The following TTC28 variants were observed in gnomAD, a reference collection of about 807,000 sequenced individuals.
The protein encoded by TTC28 is tetratricopeptide repeat protein 28.
A neutral mutation model predicts 198.0 loss-of-function variants in TTC28; 61 were observed. The observed-to-expected ratio is 0.31, with a 90% confidence interval of 0.25 to 0.38. The LOEUF is 0.38. TTC28 is among the 10% of genes least tolerant of loss of function. The pLI is 1.00. For synonymous variants in TTC28, 1,171 were observed against 1,297.8 expected, an observed-to-expected ratio of 0.90 and a Z score of 2.10; for missense variants, 2,678 against 3,164.0, an observed-to-expected ratio of 0.85 and a Z score of 3.69.
At chr22:28,480,705 A>C (rs1457874581) in intron 2 of TTC28, among the ~76,000 whole-genome samples, 1 of 152,128 alleles carries the variant, frequency 6.6e-6, no homozygotes, top group African/African-American at 2.4e-5. Context: ...TCTTTCTAAG[A>C]CTGTTTCCTA....
In TTC28 at chr22:28,107,201, T is replaced by C; in HGVS notation, c.2644A>G (p.Asn882Asp). The C allele has an allele frequency of 6.4e-7, 1 of 1,551,746 alleles. No individual in the cohort carries two copies. The highest frequency in any genetic ancestry group is 8.7e-7 in the Non-Finnish European group (1 of 1,147,000). Residue 882 changes from asparagine (N) to aspartate (D), a missense_variant, in exon 7 of 23, where the codon AAC (asparagine) becomes GAC (aspartate). This residue lies in a region of TTC28 where 775 missense variants were observed against 845.9 expected (regional missense o/e 0.92). Transcript: ENST00000397906. ...AGGGCTTCGTAGCAATCCCCCAGGT[T>C]GCCATAGGCCCGGCCCCTGTCGAGC... ...SVLDRGRAYG[N>D]LGDCYEALGD...
At chr22:28,546,813 T>C (rs960731893) in intron 2 of TTC28, among the ~76,000 whole-genome samples, 8 of 152,324 alleles carry the variant, frequency 5.3e-5, no homozygotes, top group Middle Eastern at 3.4e-3. Flanking sequence ...AAATTACTTA[T>C]ATAAGAGCAA....
In TTC28 at chr22:28,547,816, TA is replaced by T. The variant is rs200379532; in HGVS notation, c.381+81735del. On this transcript the variant is annotated intron_variant, in intron 2 of 22. Coordinates refer to ENST00000397906, the MANE Select transcript of TTC28 (RefSeq NM_001145418.2). ...CATGTATCATTTAACTCCCCCTAGT[TA>T]AAAAAAAAAAAAGTAAACAATGCAA... Among the ~76,000 whole-genome samples, 417 of 139,412 alleles carry T rather than the reference TA, an allele frequency of 3.0e-3. 2 individuals are homozygous for T. Among genetic ancestry groups the T allele is most frequent in the East Asian group, 0.012 (60 of 4,916 alleles). The allele number at this position is 139,412 out of a possible 152,430, so 91.5% of individuals were successfully genotyped here.
At chr22:28,228,866 C>T (rs1928578219) in intron 5 of TTC28, among the ~76,000 whole-genome samples, 1 of 151,998 alleles carries the variant, frequency 6.6e-6, no homozygotes, top group Non-Finnish European at 1.5e-5. Flanking sequence ...GTTTAAAAAA[C>T]TACACCCCGG....
intron 2 of TTC28, among the ~76,000 whole-genome samples, chr22:28,540,663 T>G (rs1449907818): frequency 6.6e-6 from 1 of 152,192 alleles, no homozygotes; most frequent in Non-Finnish European, 1.5e-5. Context: ...CCAAAACCCA[T>G]ATTTTTCATT....
At chr22:28,415,705 CAGAA>C (rs1194800593) in intron 2 of TTC28, among the ~76,000 whole-genome samples, 1 of 152,152 alleles carries the variant, frequency 6.6e-6, no homozygotes, top group Non-Finnish European at 1.5e-5. Flanking sequence ...AGCAGGAACA[CAGAA>C]AGACCGCCAG....
At chr22:28,141,624 T>C (rs1368693847) in intron 6 of TTC28, among the ~76,000 whole-genome samples, 1 of 152,046 alleles carries the variant, frequency 6.6e-6, no homozygotes, top group Admixed American at 6.6e-5. Flanking sequence ...GGGAAAAGAG[T>C]AGCTGTCTCC....
intron 2 of TTC28, among the ~76,000 whole-genome samples, chr22:28,506,086 C>G (rs905574295): frequency 6.6e-6 from 1 of 152,024 alleles, no homozygotes; most frequent in Non-Finnish European, 1.5e-5. Context: ...CTGGGCGGGA[C>G]CTTCCTGCGG....
chr22:28,491,591 A>G (rs1230323381), intron 2 of TTC28, among the ~76,000 whole-genome samples: 2 of 152,230 alleles, frequency 1.3e-5, no homozygotes, highest in Admixed American at 6.5e-5. Flanking sequence ...AATGGCGATC[A>G]TTAAAAAGTC....
At chr22:28,317,157 A>G (rs1332920692) in intron 2 of TTC28, among the ~76,000 whole-genome samples, 4 of 151,846 alleles carry the variant, frequency 2.6e-5, no homozygotes, top group African/African-American at 9.7e-5. Flanking sequence ...CTGTCTTTCC[A>G]TTTGTTATAA....
intron 2 of TTC28, among the ~76,000 whole-genome samples, chr22:28,475,162 AAAAAAAAAAAG>A: frequency 6.6e-6 from 1 of 150,672 alleles, no homozygotes; most frequent in Non-Finnish European, 1.5e-5. Context: ...AAAAAAAAAA[AAAAAAAAAAAG>A]AAAGAAAAGA....
intron 2 of TTC28, among the ~76,000 whole-genome samples, chr22:28,612,383 T>C (rs2050833762): frequency 6.6e-6 from 1 of 152,212 alleles, no homozygotes; most frequent in Non-Finnish European, 1.5e-5. Context: ...AGTGAGAGAC[T>C]TTAATACCCC....
chr22:28,099,115 A>G, intron 9 of TTC28, 71 bp from the exon 10 acceptor site: 1 of 1,530,790 alleles, frequency 6.5e-7, no homozygotes, highest in Non-Finnish European at 8.8e-7. Context: ...GACTAGAGAC[A>G]ACTTTTGCTC....
At chr22:28,359,086 G>C (rs918391878) in intron 2 of TTC28, among the ~76,000 whole-genome samples, 1 of 152,100 alleles carries the variant, frequency 6.6e-6, no homozygotes, top group Non-Finnish European at 1.5e-5. Flanking sequence ...TCATTAATAA[G>C]AACATTCCAC....
intron 6 of TTC28, among the ~76,000 whole-genome samples, chr22:28,161,901 A>AGTAG (rs1921254137): frequency 8.6e-6 from 1 of 115,690 alleles, no homozygotes; most frequent in Non-Finnish European, 1.8e-5. Flanking sequence ...AAGGGAAGGA[A>AGTAG]GGAGGGAGGG....
chr22:28,168,495 C>A (rs1347373930), intron 5 of TTC28, among the ~76,000 whole-genome samples: 4 of 152,116 alleles, frequency 2.6e-5, no homozygotes, highest in Non-Finnish European at 2.9e-5. Flanking sequence ...TGGAACAGAA[C>A]AGAGCCCTCA....
At chr22:28,271,604 G>A (rs957832664) in intron 5 of TTC28, among the ~76,000 whole-genome samples, 8 of 151,918 alleles carry the variant, frequency 5.3e-5, no homozygotes, top group African/African-American at 1.2e-4. Flanking sequence ...TAAGCCTAAC[G>A]AGATCTGGTG....
chr22:28,488,621 C>T (rs1239104367), intron 2 of TTC28, among the ~76,000 whole-genome samples: 2 of 152,034 alleles, frequency 1.3e-5, no homozygotes, highest in African/African-American at 2.4e-5. Context: ...AAAAATAAGA[C>T]TTTTCCTCTA....
At chr22:28,419,999 T>C (rs1569315275) in intron 2 of TTC28, among the ~76,000 whole-genome samples, 1 of 152,236 alleles carries the variant, frequency 6.6e-6, no homozygotes, top group Non-Finnish European at 1.5e-5. Context: ...AATCTTATCA[T>C]GAAAGGCTGA....
Sources: allele counts gnomAD v4.1 joint callset (sites outside exome capture counted in the v4.1 genomes callset), GRCh38; gene constraint gnomAD v4.1.1; regional missense constraint gnomAD v4.1.1; transcripts MANE v1.5; gene names NCBI Gene and HGNC (gene_info 2026-07-23, HGNC 2026-07-21).